ITGA8: variants seen among roughly 807,000 people sequenced by gnomAD.
The protein encoded by ITGA8 is integrin alpha-8.
Under a neutral mutation model 142.3 loss-of-function variants are expected in ITGA8, and 91 were observed. That is an observed-to-expected ratio of 0.64 (90% confidence interval 0.54 to 0.76). The LOEUF is 0.76. Ranked by LOEUF, ITGA8 falls within the 30% of genes least tolerant of loss-of-function variation. The pLI, the probability that ITGA8 is intolerant of heterozygous loss-of-function variation, is 0.00. For missense variants in ITGA8, 1,406 were observed against 1,327.7 expected (o/e 1.06, Z -0.92); for synonymous variants, 505 against 485.2 (o/e 1.04, Z -0.54).
At position 15,515,582 on chromosome 10, in the gene ITGA8, T is replaced by C. The variant is rs1156283517; in HGVS notation, c.*1576A>G. 2 of 148,732 alleles carry C rather than the reference T, an allele frequency of 1.3e-5. No individual in the cohort carries two copies. Among genetic ancestry groups the C allele is most frequent in the African/African-American group, 4.9e-5 (2 of 41,130 alleles). The allele number at this position is 148,732 out of a possible 1,614,324, so 9.2% of individuals were successfully genotyped here. On this transcript the variant is annotated 3_prime_UTR_variant, in exon 30 of 30. Transcript: ENST00000378076. ...CTTAAGGATTTGGGTCAGCTTGTTC[T>C]ATCATACTTAACATTTAGGAAATTA...
intron 26 of ITGA8, among the ~76,000 whole-genome samples, chr10:15,548,980 C>T (rs1833733107): frequency 6.6e-6 from 1 of 152,152 alleles, no homozygotes; most frequent in African/African-American, 2.4e-5. Context: ...GATTGACATA[C>T]ATTTGTTCCA....
At chr10:15,683,323 A>ACCCT (rs1834776509) in intron 4 of ITGA8, among the ~76,000 whole-genome samples, 2 of 96,050 alleles carry the variant, frequency 2.1e-5, no homozygotes, top group African/African-American at 1.0e-4. Context: ...CCACCCACCC[A>ACCCT]CCCACCCATC....
intron 2 of ITGA8, among the ~76,000 whole-genome samples, chr10:15,699,222 T>G (rs1038042619): frequency 2.0e-5 from 3 of 152,190 alleles, no homozygotes; most frequent in Non-Finnish European, 4.4e-5. Context: ...AAGCAGAGGT[T>G]GCAGTGAGCT....
chr10:15,654,922 A>C (rs968433568), intron 11 of ITGA8, among the ~76,000 whole-genome samples: 1 of 152,206 alleles, frequency 6.6e-6, no homozygotes, highest in Non-Finnish European at 1.5e-5. Context: ...TACTACTGTA[A>C]TCTGAAAAAT....
At chr10:15,541,014 CT>C (rs1392327619) in intron 27 of ITGA8, among the ~76,000 whole-genome samples, 17 of 152,174 alleles carry the variant, frequency 1.1e-4, no homozygotes. Context: ...ATAACTTGCC[CT>C]TCAATTTGCA....
chr10:15,528,657 A>C (rs1588625808), intron 28 of ITGA8, among the ~76,000 whole-genome samples: 2 of 152,128 alleles, frequency 1.3e-5, no homozygotes, highest in African/African-American at 4.8e-5. Context: ...CTGTGGATGG[A>C]ACCAACCGTA....
At position 15,607,778 on chromosome 10, in the gene ITGA8, G is replaced by T; in HGVS notation, c.1663C>A (p.Arg555=). 1 of 1,612,220 alleles carries T rather than the reference G, an allele frequency of 6.2e-7. No individual in the cohort carries two copies. The highest frequency in any genetic ancestry group is 8.5e-7 in the Non-Finnish European group (1 of 1,178,842). Residue 555 remains arginine (R), a synonymous_variant, in exon 17 of 30, where the codon CGG becomes AGG. Transcript: ENST00000378076. ...DSLKQKGAIK[R]TLFLDNHQAH... ...TGATGGTTATCAAGGAAGAGCGTCC[G>T]TTTAATAGCTCCTTTCTGTTTCAGG...
In ITGA8 at chr10:15,531,032, A is replaced by T. The variant is rs998408679; in HGVS notation, c.2982+18T>A. 1 of 1,133,538 alleles carries T rather than the reference A, an allele frequency of 8.8e-7. No homozygotes were observed. The highest frequency in any genetic ancestry group is 2.5e-5 in the East Asian group (1 of 40,758). The allele number at this position is 1,133,538 out of a possible 1,614,324, so 70.2% of individuals were successfully genotyped here. A position where few individuals can be genotyped will look rare whatever the true frequency, so the allele number is the denominator to read the frequency against. ...TCAATTAAATTATTTGTGCCTATATATATTTAAAGATACTCACTACTATGC... is the reference window on the plus strand; with the variant it reads ...TCAATTAAATTATTTGTGCCTATATTTATTTAAAGATACTCACTACTATGC... On this transcript the variant is annotated intron_variant, in intron 28 of 29. Coordinates refer to ENST00000378076, the MANE Select transcript of ITGA8 (RefSeq NM_003638.3).
rs149745919 is a variant in ITGA8, at chr10:15,558,089, G to A, written c.2751C>T (p.Ser917=). Residue 917 remains serine (S), a synonymous_variant, in exon 26 of 30, where the codon AGC becomes AGT. Transcript: ENST00000378076. ...DVHVVEFHRQ[S]PAKILNCTNI... Reference sequence around the variant, plus strand: ...GATAACTCACCAGTATTTTTGCAGGGCTCTGTCTGTGGAATTCGACCACAT... The same window carrying A: ...GATAACTCACCAGTATTTTTGCAGGACTCTGTCTGTGGAATTCGACCACAT... 3.1e-6 allele frequency: 5 copies of A among 1,613,896 alleles called. No individual in the cohort carries two copies. In the African/African-American group the frequency reaches 5.3e-5, roughly 17 times the overall value.
intron 2 of ITGA8, among the ~76,000 whole-genome samples, chr10:15,693,615 A>T (rs2131715775): frequency 6.6e-6 from 1 of 152,338 alleles, no homozygotes; most frequent in South Asian, 2.1e-4. Flanking sequence ...ATTTATGTCT[A>T]GGAAGCTTGG....
chr10:15,529,166 C>G (rs138615321), intron 28 of ITGA8, among the ~76,000 whole-genome samples: 1 of 152,230 alleles, frequency 6.6e-6, no homozygotes, highest in East Asian at 1.9e-4. Flanking sequence ...CTCACTGTAA[C>G]CTTGAACTCC....
intron 13 of ITGA8, among the ~76,000 whole-genome samples, chr10:15,640,622 C>T (rs937319537): frequency 2.6e-5 from 4 of 152,100 alleles, no homozygotes; most frequent in Admixed American, 6.5e-5. Context: ...CCAGGCAAAA[C>T]ATCACAAGAC....
chr10:15,539,981 T>C (rs909868284), intron 27 of ITGA8, among the ~76,000 whole-genome samples: 7 of 152,122 alleles, frequency 4.6e-5, no homozygotes, highest in African/African-American at 7.2e-5. Flanking sequence ...CTGCACATGC[T>C]CTCTTGCCGC....
At position 15,690,661 on chromosome 10, in the gene ITGA8, G is replaced by A. The variant is rs1296482154; in HGVS notation, c.344-2623C>T. ...CACAAAGAGGGATCTCCTTGGCTAT[G>A]TCTTCTCACTGTAGGAAAAATGAAA... On this transcript the variant is annotated intron_variant, in intron 2 of 29. Transcript: ENST00000378076. Among the ~76,000 whole-genome samples the A allele has an allele frequency of 2.0e-5, 3 of 152,290 alleles. No homozygotes were observed. In the East Asian group the frequency reaches 5.8e-4, roughly 29 times the overall value.
intron 6 of ITGA8, among the ~76,000 whole-genome samples, chr10:15,676,837 C>T (rs183510785): frequency 7.2e-4 from 110 of 152,104 alleles, no homozygotes; most frequent in Middle Eastern, 6.8e-3. Context: ...GGTGAAACCC[C>T]GTCTCTACTA....
chr10:15,550,618 C>T (rs192017474), intron 26 of ITGA8, among the ~76,000 whole-genome samples: 22 of 152,222 alleles, frequency 1.4e-4, no homozygotes, highest in Middle Eastern at 3.4e-3. Flanking sequence ...TTCTGTTGTA[C>T]TAGACCAGGG....
intron 2 of ITGA8, among the ~76,000 whole-genome samples, chr10:15,712,147 C>T (rs1835374758): frequency 6.6e-6 from 1 of 152,078 alleles, no homozygotes; most frequent in East Asian, 1.9e-4. Context: ...TAAATATGTT[C>T]TTTGTAAACA....
intron 15 of ITGA8, among the ~76,000 whole-genome samples, chr10:15,610,714 T>C (rs370395908): frequency 5.9e-5 from 9 of 152,170 alleles, no homozygotes; most frequent in African/African-American, 1.9e-4. Context: ...GAGATAAATG[T>C]GAAACACGAT....
chr10:15,527,062 C>A (rs188125687), intron 28 of ITGA8, among the ~76,000 whole-genome samples: 110 of 152,242 alleles, frequency 7.2e-4, no homozygotes, highest in Middle Eastern at 3.4e-3. Context: ...TGTAAACATA[C>A]TTCAGTGGGG....
Sources: allele counts gnomAD v4.1 joint callset (sites outside exome capture counted in the v4.1 genomes callset), GRCh38; gene constraint gnomAD v4.1.1; transcripts MANE v1.5; gene names NCBI Gene and HGNC (gene_info 2026-07-23, HGNC 2026-07-21).